Variants in KSR2 observed in about 807,000 individuals in gnomAD.
KSR2 encodes kinase suppressor of ras 2.
A neutral mutation model predicts 107.8 loss-of-function variants in KSR2; 25 were observed. The ratio of observed to expected loss-of-function variants is 0.23; its 90% CI spans 0.17 to 0.32. KSR2 has a LOEUF of 0.32. KSR2 is among the 10% of genes least tolerant of loss of function. The probability of loss-of-function intolerance (pLI) is 1.00; values close to 1 mark genes in which losing one functional copy is unlikely to be tolerated. For missense variants in KSR2, 887 were observed against 1,268.9 expected (o/e 0.70, Z 4.57); for synonymous variants, 480 against 507.0 (o/e 0.95, Z 0.71).
intron 1 of KSR2, among the ~76,000 whole-genome samples, chr12:117,881,577 T>C (rs1894028285): frequency 1.3e-5 from 2 of 152,254 alleles, no homozygotes; most frequent in Admixed American, 1.3e-4. Flanking sequence ...TTGCTCAGGC[T>C]CTTTCTGTAT....
At chr12:117,773,775 C>G (rs1214737019) in intron 3 of KSR2, among the ~76,000 whole-genome samples, 2 of 152,156 alleles carry the variant, frequency 1.3e-5, no homozygotes, top group African/African-American at 4.8e-5. Flanking sequence ...AGAGACAAAA[C>G]TTTTAGACAC....
At chr12:117,622,909 G>A (rs958519018) in intron 5 of KSR2, among the ~76,000 whole-genome samples, 1 of 152,118 alleles carries the variant, frequency 6.6e-6, no homozygotes, top group African/African-American at 2.4e-5. Context: ...GTTGGGTCTG[G>A]GAGAAAGACA....
chr12:117,788,680 G>A (rs1355138282), intron 3 of KSR2, among the ~76,000 whole-genome samples: 1 of 151,958 alleles, frequency 6.6e-6, no homozygotes, highest in South Asian at 2.1e-4. Context: ...TTGTTTGTTT[G>A]TTTTGTATTT....
intron 1 of KSR2, among the ~76,000 whole-genome samples, chr12:117,882,722 C>A (rs1187458547): frequency 6.6e-6 from 1 of 151,888 alleles, no homozygotes; most frequent in Admixed American, 6.6e-5. Context: ...TCCATCCATC[C>A]AACCACCCAC....
intron 8 of KSR2, among the ~76,000 whole-genome samples, chr12:117,556,447 T>C (rs1877700562): frequency 6.6e-6 from 1 of 152,132 alleles, no homozygotes; most frequent in South Asian, 2.1e-4. Context: ...AAGGAACAGA[T>C]GGTTCTCAAT....
At chr12:117,844,479 AGTATT>A (rs777923177) in intron 3 of KSR2, among the ~76,000 whole-genome samples, 133 of 131,234 alleles carry the variant, frequency 1.0e-3, no homozygotes, top group African/African-American at 2.1e-3. Flanking sequence ...TCCTCTTCTG[AGTATT>A]TTTTTTTTTT....
intron 1 of KSR2, among the ~76,000 whole-genome samples, chr12:117,952,861 T>C (rs1254428436): frequency 6.6e-6 from 1 of 151,860 alleles, no homozygotes; most frequent in Non-Finnish European, 1.5e-5. Context: ...GGCGCACACC[T>C]GTGATTCCAG....
At chr12:117,476,641 T>A in intron 16 of KSR2, 46 bp from the exon 17 acceptor site, 6 of 1,571,056 alleles carry the variant, frequency 3.8e-6, no homozygotes, top group Non-Finnish European at 5.2e-6. Context: ...TAGCCCAGGG[T>A]GGACCAGTCC....
chr12:117,505,044 G>T (rs1873593984), intron 14 of KSR2, among the ~76,000 whole-genome samples: 1 of 152,094 alleles, frequency 6.6e-6, no homozygotes, highest in South Asian at 2.1e-4. Context: ...CTTAATAATG[G>T]CCTCCAGCTT....
At chr12:117,536,645 CT>C (rs1876075252) in intron 10 of KSR2, among the ~76,000 whole-genome samples, 1 of 152,112 alleles carries the variant, frequency 6.6e-6, no homozygotes, top group Non-Finnish European at 1.5e-5. Context: ...TTGCAAATCA[CT>C]TATTTTCTAC....
chr12:117,639,081 TC>T (rs1883239623), intron 5 of KSR2, among the ~76,000 whole-genome samples: 1 of 152,076 alleles, frequency 6.6e-6, no homozygotes, highest in Admixed American at 6.6e-5. Context: ...GGCAGCTGGT[TC>T]ACGTACATTG....
At position 117,485,817 on chromosome 12, in the gene KSR2, A is replaced by G. The variant is rs151071507; in HGVS notation, c.2220-126T>C. 965 of 649,886 alleles carry G rather than the reference A, an allele frequency of 1.5e-3. 8 individuals carry two copies. The African/African-American group carries it at 0.015, about 10-fold the overall frequency. The allele number at this position is 649,886 out of a possible 1,614,324, so 40.3% of individuals were successfully genotyped here. A position where few individuals can be genotyped will look rare whatever the true frequency, so the allele number is the denominator to read the frequency against. On this transcript the variant is annotated intron_variant, in intron 14 of 19. Transcript: ENST00000339824. ...CATGCCACTATTGTGCTTATGAGAT[A>G]ATAAGTCTGGGACTGGACTTCAGAT...
At chr12:117,501,752 G>T (rs1180693116) in intron 14 of KSR2, among the ~76,000 whole-genome samples, 3 of 152,212 alleles carry the variant, frequency 2.0e-5, no homozygotes, top group Non-Finnish European at 4.4e-5. Context: ...GGTGGAGACA[G>T]ACTGAACTAC....
intron 7 of KSR2, among the ~76,000 whole-genome samples, chr12:117,577,191 AAGAGCAAGCCT>A (rs1431804389): frequency 7.2e-5 from 11 of 152,142 alleles, no homozygotes; most frequent in African/African-American, 2.7e-4. Flanking sequence ...CTAGACAAGG[AAGAGCAAGCCT>A]AGAGCAGAAG....
At chr12:117,657,857 C>T (rs187669697) in intron 5 of KSR2, among the ~76,000 whole-genome samples, 1 of 152,230 alleles carries the variant, frequency 6.6e-6, no homozygotes, top group East Asian at 1.9e-4. Context: ...CTGACGTAGT[C>T]ACTGCCTTCA....
intron 3 of KSR2, among the ~76,000 whole-genome samples, chr12:117,823,413 A>C (rs866569434): frequency 6.6e-6 from 1 of 152,208 alleles, no homozygotes; most frequent in Non-Finnish European, 1.5e-5. Flanking sequence ...TTTGAAGACA[A>C]AATGAACGTG....
intron 14 of KSR2, among the ~76,000 whole-genome samples, chr12:117,494,809 C>T (rs2137162992): frequency 6.6e-6 from 1 of 152,308 alleles, no homozygotes; most frequent in African/African-American, 2.4e-5. Context: ...GGGAAAGCCA[C>T]TCTGGGGAGG....
intron 14 of KSR2, among the ~76,000 whole-genome samples, chr12:117,503,806 C>T (rs980042555): frequency 1.3e-5 from 2 of 152,036 alleles, no homozygotes; most frequent in African/African-American, 4.8e-5. Flanking sequence ...TGAGTGAGGC[C>T]ATGAGAAAAG....
intron 1 of KSR2, among the ~76,000 whole-genome samples, chr12:117,954,310 AAGCTTAAGACAAGTCT>A (rs1896446356): frequency 6.6e-6 from 1 of 152,182 alleles, no homozygotes; most frequent in Non-Finnish European, 1.5e-5. Flanking sequence ...TTCACCATGC[AAGCTTAAGACAAGTCT>A]AGAAGTTGCA....
Sources: gnomAD v4.1 joint callset for allele counts (sites outside exome capture counted in the v4.1 genomes callset) on GRCh38, gnomAD v4.1.1 for gene constraint, MANE v1.5 for transcripts, NCBI Gene and HGNC (gene_info 2026-07-23, HGNC 2026-07-21) for gene names.